The following CFAP47 variants were observed in gnomAD, a reference collection of about 807,000 sequenced individuals.
CFAP47 encodes cilia- and flagella-associated protein 47.
A neutral mutation model predicts 148.1 loss-of-function variants in CFAP47; 29 were observed. The observed-to-expected ratio is 0.20, with a 90% CI of 0.15 to 0.27. The LOEUF (loss-of-function observed/expected upper bound fraction) is 0.27, where lower values mean the gene tolerates loss of function less well. Ranked by LOEUF, CFAP47 falls within the 10% of genes least tolerant of loss-of-function variation. The pLI, the probability that CFAP47 is intolerant of heterozygous loss-of-function variation, is 1.00. For missense variants in CFAP47, 1,872 were observed against 1,697.5 expected, an observed-to-expected ratio of 1.10 and a Z score of -1.81; for synonymous variants, 664 against 577.3, an observed-to-expected ratio of 1.15 and a Z score of -2.15.
At chrX:36,053,938 A>G (rs1937534236) in intron 26 of CFAP47, among the ~76,000 whole-genome samples, 1 of 112,624 alleles carries the variant, frequency 8.9e-6, no homozygotes, top group African/African-American at 3.2e-5. Context: ...AGTTAACCAC[A>G]GATGTAGTTT....
Position 36,014,789 on chromosome X carries a change from T to G in CFAP47, c.3433T>G (p.Phe1145Val). 1 of 294,820 alleles carries G rather than the reference T, an allele frequency of 3.4e-6. No homozygotes were observed. The allele number at this position is 294,820 out of a possible 1,213,427, so 24.3% of individuals were successfully genotyped here. ...FSPKEVTVVE[F>V]IIQVQINFFE... The stretch of plus-strand genomic sequence containing the variant: ...TTTGTATCAGGTGACAGTAGTTGAA[T>G]TCATCATTCAAGTTCAGATTAATTT... The change falls in exon 22 of 64, where the codon TTC becomes GTC. Residue 1145 changes from phenylalanine to valine, a missense_variant. By Grantham distance (50) the Phe-to-Val change is conservative. Transcript: ENST00000378653.
chrX:35,994,919 A>G (rs905051082), intron 18 of CFAP47, among the ~76,000 whole-genome samples: 1 of 111,608 alleles, frequency 9.0e-6, no homozygotes, highest in African/African-American at 3.3e-5. Context: ...AGAGCCTACA[A>G]TCTGGTGGGT....
At chrX:36,044,503 A>T (rs1417484110) in intron 25 of CFAP47, among the ~76,000 whole-genome samples, 1 of 112,531 alleles carries the variant, frequency 8.9e-6, no homozygotes, top group Non-Finnish European at 1.9e-5. Context: ...ATTTGACCAG[A>T]TACCCTAAAT....
At chrX:35,991,729 A>G (rs1361198659) in intron 16 of CFAP47, 92 bp from the exon 17 acceptor site, 1 of 278,553 alleles carries the variant, frequency 3.6e-6, no homozygotes, top group Admixed American at 6.4e-5. Flanking sequence ...TATATTCAAA[A>G]TTAGAATATT....
Position 36,099,911 on chromosome X carries a change from T to G in CFAP47, c.5127+32T>G, listed in dbSNP as rs774810894. ...TTTCCATTATTGTTCGCTGCTTCTC[T>G]GTTGATTAATATGAATCATATGTTA... is the stretch of plus-strand genomic sequence containing the variant. On this transcript the variant is annotated intron_variant, in intron 32 of 63. Transcript: ENST00000378653. 67 of 761,709 alleles carry G rather than the reference T, an allele frequency of 8.8e-5. No homozygotes were observed. In the South Asian group the frequency reaches 1.6e-3, roughly 18 times the overall value. 62.8% of individuals were successfully genotyped at this position (761,709 alleles called of 1,213,427 possible). A position where few individuals can be genotyped will look rare whatever the true frequency, so the allele number is the denominator to read the frequency against.
intron 8 of CFAP47, among the ~76,000 whole-genome samples, chrX:35,966,072 G>A (rs1398296571): frequency 9.2e-6 from 1 of 108,157 alleles, no homozygotes; most frequent in African/African-American, 3.3e-5. Flanking sequence ...TAGGTTTTTG[G>A]AAGTCCTTAA....
At chrX:36,019,913 CTCT>C (rs747161532) in intron 22 of CFAP47, among the ~76,000 whole-genome samples, 1 of 111,815 alleles carries the variant, frequency 8.9e-6, no homozygotes, top group South Asian at 3.7e-4. Context: ...CTTTTGTACT[CTCT>C]TCATTTCATT....
At chrX:35,949,382 A>C (rs1223071139) in intron 4 of CFAP47, among the ~76,000 whole-genome samples, 2 of 110,954 alleles carry the variant, frequency 1.8e-5, no homozygotes, top group Non-Finnish European at 3.8e-5. Flanking sequence ...GGGAGTACAA[A>C]TGTGGAGTGA....
At chrX:36,266,981 C>T (rs1940901033) in intron 49 of CFAP47, among the ~76,000 whole-genome samples, 1 of 111,163 alleles carries the variant, frequency 9.0e-6, no homozygotes, top group Non-Finnish European at 1.9e-5. Flanking sequence ...GTCTGCTTGA[C>T]GCATGCCATA....
chrX:36,174,493 C>T (rs1420687925), intron 39 of CFAP47, among the ~76,000 whole-genome samples: 1 of 109,382 alleles, frequency 9.1e-6, no homozygotes, highest in Non-Finnish European at 1.9e-5. Context: ...TAGGGCAGGC[C>T]TGGTGGTGAC....
intron 60 of CFAP47, among the ~76,000 whole-genome samples, chrX:36,358,387 C>T (rs782293024): frequency 1.0e-3 from 115 of 111,716 alleles, no homozygotes; most frequent in Middle Eastern, 9.3e-3. Context: ...TTTGAGTGCC[C>T]TAGGGCTCTG....
chrX:36,173,895 T>G (rs1939625706), intron 39 of CFAP47, among the ~76,000 whole-genome samples: 1 of 111,737 alleles, frequency 8.9e-6, no homozygotes, highest in Non-Finnish European at 1.9e-5. Flanking sequence ...ATGTTCACAC[T>G]GGGGTGTTAA....
intron 32 of CFAP47, 88 bp downstream of exon 32, chrX:36,099,967 A>G (rs1416285348): frequency 2.0e-6 from 1 of 496,903 alleles, no homozygotes; most frequent in South Asian, 3.9e-5. Flanking sequence ...GCTATGAAAG[A>G]TTCAAAAACA....
Position 36,204,993 on chromosome X carries a change from C to G in CFAP47, c.6700C>G (p.Pro2234Ala), listed in dbSNP as rs1191591477. The G allele has an allele frequency of 3.4e-6, 1 of 295,341 alleles. No homozygotes were observed. The highest frequency in any genetic ancestry group is 5.9e-6 in the Non-Finnish European group (1 of 169,693). 24.3% of individuals were successfully genotyped at this position (295,341 alleles called of 1,213,427 possible). Residue 2234 changes from proline (P) to alanine (A), a missense_variant, in exon 45 of 64, where the codon CCT becomes GCT. Transcript: ENST00000378653. ...MLFRISKLRK[P>A]KTVSYTTEVS... is the part of the protein sequence containing the mutation. Reference sequence around the variant, plus strand: ...CTTTCGTATCTCAAAGTTGAGGAAGCCTAAGACCGTTTCATACACAACAGA... The same window carrying G: ...CTTTCGTATCTCAAAGTTGAGGAAGGCTAAGACCGTTTCATACACAACAGA...
At position 36,371,757 on chromosome X, in the gene CFAP47, CATGTGTGTATATACACACATGTGTATAT is replaced by C. The variant is rs1381570950; in HGVS notation, c.9185+4653_9185+4680del. On this transcript the variant is annotated intron_variant, in intron 62 of 63. Transcript: ENST00000378653. ...GTGTATATATGTGTGTATATACACA[CATGTGTGTATATACACACATGTGTATAT>C]ATGTGTGTATATACACACATGTATA... Among the ~76,000 whole-genome samples, 53 of 46,084 alleles carry C rather than the reference CATGTGTGTATATACACACATGTGTATAT, an allele frequency of 1.2e-3. 4 individuals are homozygous for C. Among genetic ancestry groups the C allele is most frequent in the South Asian group, 3.0e-3 (2 of 677 alleles). 40.0% of individuals were successfully genotyped at this position (46,084 alleles called of 115,157 possible).
rs1317834792 is a variant in CFAP47 at position 35,971,528 on chromosome X, T to C, written c.1971-58T>C. 10 of 778,760 alleles carry C rather than the reference T, an allele frequency of 1.3e-5. No individual in the cohort carries two copies. In the East Asian group the frequency reaches 3.5e-4, roughly 28 times the overall value. The allele number at this position is 778,760 out of a possible 1,213,427, so 64.2% of individuals were successfully genotyped here. ...TATGGGAAAGGCTTGAATTTACAGA[T>C]GCATTTTTTGAATGACTTGACCTCA... On this transcript the variant is annotated intron_variant, in intron 11 of 63. Coordinates refer to ENST00000378653, the MANE Select transcript of CFAP47 (RefSeq NM_001304548.2).
intron 42 of CFAP47, among the ~76,000 whole-genome samples, chrX:36,197,589 G>A (rs1163056751): frequency 1.8e-5 from 2 of 111,852 alleles, no homozygotes; most frequent in Admixed American, 9.6e-5. Flanking sequence ...TCATTCAGTT[G>A]TATTTGTGTG....
chrX:36,070,235 C>G (rs1937722763), intron 27 of CFAP47, among the ~76,000 whole-genome samples: 1 of 111,947 alleles, frequency 8.9e-6, no homozygotes, highest in Non-Finnish European at 1.9e-5. Context: ...AGCTCAGAAA[C>G]TTTGGTCTCA....
At chrX:36,082,218 T>C (rs979626317) in intron 29 of CFAP47, among the ~76,000 whole-genome samples, 1 of 111,536 alleles carries the variant, frequency 9.0e-6, no homozygotes, top group African/African-American at 3.3e-5. Context: ...ATATTTCTTA[T>C]AAGTCAATAT....
Sources: gnomAD v4.1 joint callset for allele counts (sites outside exome capture counted in the v4.1 genomes callset) on GRCh38, gnomAD v4.1.1 for gene constraint, MANE v1.5 for transcripts, NCBI Gene and HGNC (gene_info 2026-07-23, HGNC 2026-07-21) for gene names.